The following NEK6 variants were observed in gnomAD, a reference collection of about 807,000 sequenced individuals.
NEK6 encodes NIMA related kinase 6, also known as serine/threonine-protein kinase Nek6.
Under a neutral mutation model 43.5 loss-of-function variants are expected in NEK6, and 27 were observed. That is an observed-to-expected ratio of 0.62 (90% CI 0.46 to 0.86). The LOEUF is 0.86. NEK6 is among the 40% of genes least tolerant of loss of function. The pLI is 0.00. For missense variants in NEK6, 318 were observed against 414.4 expected (o/e 0.77, Z 2.02); for synonymous variants, 167 against 164.1 (o/e 1.02, Z -0.14).
At chr9:124,283,953 G>A (rs1832037344) in intron 1 of NEK6, among the ~76,000 whole-genome samples, 1 of 152,220 alleles carries the variant, frequency 6.6e-6, no homozygotes, top group Non-Finnish European at 1.5e-5. Flanking sequence ...CCTGGCACAC[G>A]CTTGGTGCCC....
intron 1 of NEK6, among the ~76,000 whole-genome samples, chr9:124,281,339 A>G (rs915147084): frequency 6.6e-6 from 1 of 152,048 alleles, no homozygotes; most frequent in African/African-American, 2.4e-5. Flanking sequence ...TGAAAAAGTC[A>G]CCTAGCACAG....
chr9:124,295,979 G>T (rs957197769), intron 1 of NEK6, among the ~76,000 whole-genome samples: 1 of 152,244 alleles, frequency 6.6e-6, no homozygotes, highest in Non-Finnish European at 1.5e-5. Context: ...GGGAGATGCC[G>T]TTTCACCCGT....
rs775010703 is a variant in NEK6, at chr9:124,339,670, GTC to G, written c.717+9_717+10del. The G allele has an allele frequency of 1.9e-5, 30 of 1,604,896 alleles. 1 individual carries two copies. Among genetic ancestry groups the G allele is most frequent in the African/African-American group, 1.3e-4 (10 of 74,786 alleles). ...CTGGGCTGTCTGCTGTACGAGGTGA[GTC>G]TCTGTCCGTGGCTCAGCAGCATTTG... On this transcript the variant is annotated splice_donor_region_variant and intron_variant, in intron 8 of 9. Coordinates refer to ENST00000320246, the MANE Select transcript of NEK6 (RefSeq NM_014397.6).
Position 124,326,455 on chromosome 9 carries a change from A to C in NEK6, c.514+17A>C, listed in dbSNP as rs200640810. 26 of 1,313,714 alleles carry C rather than the reference A, an allele frequency of 2.0e-5. No homozygotes were observed. In the East Asian group the frequency reaches 1.2e-3, roughly 60 times the overall value. 81.4% of individuals were successfully genotyped at this position (1,313,714 alleles called of 1,614,324 possible). A position where few individuals can be genotyped will look rare whatever the true frequency, so the allele number is the denominator to read the frequency against. ...TGCACCGAGGTACGTGCCACCCGCCAGGAGCCGCCCGGAGCCACCTGGAGC... is the reference window on the plus strand; with the variant it reads ...TGCACCGAGGTACGTGCCACCCGCCCGGAGCCGCCCGGAGCCACCTGGAGC... On this transcript the variant is annotated intron_variant, in intron 6 of 9. Transcript: ENST00000320246. The surrounding 1 kb of genome is among the most constrained non-coding windows in gnomAD (Gnocchi z 4.5).
At chr9:124,261,044 A>G (rs1270026322) in intron 1 of NEK6, 1 of 152,228 alleles carries the variant, frequency 6.6e-6, no homozygotes, top group Non-Finnish European at 1.5e-5. Context: ...AAACCCACAA[A>G]TGGCAGAGTC....
chr9:124,281,909 C>T (rs541709028), intron 1 of NEK6, among the ~76,000 whole-genome samples: 3 of 152,290 alleles, frequency 2.0e-5, no homozygotes, highest in African/African-American at 7.2e-5. Flanking sequence ...GCTGTCCAGG[C>T]CTGTGACACC....
Position 124,312,543 on chromosome 9 carries a change from T to G in NEK6, c.125T>G (p.Leu42Arg), listed in dbSNP as rs1433128929. Residue 42 changes from leucine to arginine, a missense_variant, in exon 3 of 10, where the codon CTG becomes CGG. This residue lies in a region of NEK6 where 239 missense variants were observed against 344.4 expected (regional missense o/e 0.69). Transcript: ENST00000320246. ...HPNTLSFRCS[L>R]ADFQIEKKIG... ...AACACGCTGTCTTTTCGCTGCTCGC[T>G]GGCGGACTTCCAGATCGAAAAGAAG... 6.2e-7 allele frequency: 1 copy of G among 1,614,052 alleles called. No individual in the cohort carries two copies. The highest frequency in any genetic ancestry group is 2.2e-5 in the East Asian group (1 of 44,886).
intron 2 of NEK6, among the ~76,000 whole-genome samples, chr9:124,306,999 C>T (rs970147725): frequency 6.6e-6 from 1 of 152,054 alleles, no homozygotes; most frequent in Non-Finnish European, 1.5e-5. Flanking sequence ...AAAGACCCAT[C>T]CAGTGTAAAG....
At chr9:124,345,667 G>A (rs1829884463) in intron 8 of NEK6, among the ~76,000 whole-genome samples, 1 of 152,098 alleles carries the variant, frequency 6.6e-6, no homozygotes, top group Non-Finnish European at 1.5e-5. Context: ...AAAAACCAGG[G>A]CCTGCGTTCA....
At chr9:124,269,580 T>C (rs1024685802) in intron 1 of NEK6, among the ~76,000 whole-genome samples, 2 of 152,078 alleles carry the variant, frequency 1.3e-5, no homozygotes, top group Non-Finnish European at 2.9e-5. Flanking sequence ...TTTCACCATG[T>C]TGGCCAGGCT....
At chr9:124,313,264 G>T (rs868675262) in intron 3 of NEK6, among the ~76,000 whole-genome samples, 1 of 152,158 alleles carries the variant, frequency 6.6e-6, no homozygotes, top group East Asian at 1.9e-4. Flanking sequence ...GAGGAGGGCC[G>T]GGAGAGAGAA....
intron 1 of NEK6, among the ~76,000 whole-genome samples, chr9:124,260,017 T>C (rs1564608917): frequency 1.3e-5 from 2 of 151,856 alleles, no homozygotes; most frequent in Non-Finnish European, 2.9e-5. Flanking sequence ...CTGGGAGCCG[T>C]TCTAGGGGGT....
intron 2 of NEK6, among the ~76,000 whole-genome samples, chr9:124,309,601 G>A (rs1156889502): frequency 6.6e-6 from 1 of 152,210 alleles, no homozygotes; most frequent in African/African-American, 2.4e-5. Flanking sequence ...TGCGAGATGG[G>A]ATTCATAACC....
chr9:124,347,291 C>T (rs1179999789), intron 8 of NEK6, among the ~76,000 whole-genome samples: 1 of 152,220 alleles, frequency 6.6e-6, no homozygotes, highest in South Asian at 2.1e-4. Context: ...GGAAAGCTCT[C>T]TGAACATGTG....
rs1419810490 is a variant in NEK6 at position 124,326,353 on chromosome 9, C to T, written c.429C>T (p.Leu143=). ...MIKYFKKQKR[L]IPERTVWKYF... ...AGTACTTTAAGAAGCAGAAGCGGCT[C>T]ATCCCGGAGAGGACAGTATGGAAGT... The change falls in exon 6 of 10, where the codon CTC becomes CTT. Residue 143 remains leucine, a synonymous_variant. Coordinates refer to ENST00000320246, the MANE Select transcript of NEK6 (RefSeq NM_014397.6). The surrounding 1 kb of genome is among the most constrained non-coding windows in gnomAD (Gnocchi z 4.5). The T allele has an allele frequency of 2.5e-6, 4 of 1,611,542 alleles. No individual in the cohort carries two copies. Among genetic ancestry groups the T allele is most frequent in the Non-Finnish European group, 3.4e-6 (4 of 1,179,926 alleles).
chr9:124,278,939 T>C (rs955943316), intron 1 of NEK6, among the ~76,000 whole-genome samples: 14 of 152,206 alleles, frequency 9.2e-5, no homozygotes, highest in African/African-American at 3.4e-4. Context: ...ACCTCCTGTG[T>C]ACCGGGGCAC....
In NEK6 at chr9:124,275,288, C is replaced by T. The variant is rs888996335; in HGVS notation, c.-30+17203C>T. Among the ~76,000 whole-genome samples the T allele has an allele frequency of 5.9e-5, 9 of 152,228 alleles. No homozygotes were observed. Among genetic ancestry groups the T allele is most frequent in the East Asian group, 3.8e-4 (2 of 5,196 alleles). On this transcript the variant is annotated intron_variant, in intron 1 of 9. Transcript: ENST00000320246. The surrounding 1 kb of genome is among the most constrained non-coding windows in gnomAD (Gnocchi z 4.4). ...ATTTAAACCAGGGCCATTTCATCCA[C>T]GTCACTAACTTGCCGGATGTCTTTG...
At chr9:124,331,751 C>G (rs374722518) in intron 7 of NEK6, among the ~76,000 whole-genome samples, 5 of 152,220 alleles carry the variant, frequency 3.3e-5, no homozygotes, top group African/African-American at 1.2e-4. Flanking sequence ...CATGGGGGCC[C>G]TTGTGGAACA....
intron 1 of NEK6, among the ~76,000 whole-genome samples, chr9:124,264,814 CAAAAAAAAAA>C (rs372219790): frequency 2.9e-4 from 26 of 88,682 alleles, no homozygotes; most frequent in South Asian, 2.3e-3. Flanking sequence ...GACTCTGTAT[CAAAAAAAAAA>C]AAAAAAAAAA....
Sources: gnomAD v4.1 joint callset for allele counts (sites outside exome capture counted in the v4.1 genomes callset) on GRCh38, gnomAD v4.1.1 for gene constraint, gnomAD v4.1.1 regional missense constraint, Gnocchi (gnomAD v3.1) non-coding constraint, MANE v1.5 for transcripts, NCBI Gene and HGNC (gene_info 2026-07-23, HGNC 2026-07-21) for gene names.